Variants in LRBA observed in about 807,000 individuals in gnomAD.
LRBA encodes the protein LPS responsive beige-like anchor protein.
Under a neutral mutation model 330.0 loss-of-function variants are expected in LRBA, and 176 were observed. The ratio of observed to expected loss-of-function variants is 0.53; its 90% CI spans 0.47 to 0.60. The LOEUF (loss-of-function observed/expected upper bound fraction) is 0.60, where lower values mean the gene tolerates loss of function less well. Ranked by LOEUF, LRBA falls within the 20% of genes least tolerant of loss-of-function variation. The pLI, the probability that LRBA is intolerant of heterozygous loss-of-function variation, is 0.00. For synonymous variants in LRBA, 1,230 were observed against 1,193.0 expected, an observed-to-expected ratio of 1.03 and a Z score of -0.64; for missense variants, 3,259 against 3,444.8, an observed-to-expected ratio of 0.95 and a Z score of 1.35.
rs1242909871 is a variant in LRBA, at chr4:150,264,842, A to AAAAC, written c.*876_*879dup. 3 of 152,666 alleles carry AAAAC rather than the reference A, an allele frequency of 2.0e-5. No individual in the cohort carries two copies. Among genetic ancestry groups the AAAAC allele is most frequent in the African/African-American group, 4.8e-5 (2 of 41,466 alleles). The allele number at this position is 152,666 out of a possible 1,614,324, so 9.5% of individuals were successfully genotyped here. A position where few individuals can be genotyped will look rare whatever the true frequency, so the allele number is the denominator to read the frequency against. On this transcript the variant is annotated 3_prime_UTR_variant, in exon 57 of 57. Coordinates refer to ENST00000651943, the MANE Select transcript of LRBA (RefSeq NM_001364905.1). Reference sequence around the variant, plus strand: ...AGATGATAGTTTAATAACAAATAGTAAAACAGGTGTTGCTGAATACAGCAC... The same window carrying AAAAC: ...AGATGATAGTTTAATAACAAATAGTAAAACAAACAGGTGTTGCTGAATACAGCAC...
Position 150,906,322 on chromosome 4 carries a change from A to C in LRBA, c.1577T>G (p.Leu526Trp). ...QEQMLACKGF[L>W]VIGYSLEKSS... ...CTTTTCAAGGCTATATCCTATTACCAAGAAGCCCTTACAGGCAAGCATCTG... is the reference window on the plus strand; with the variant it reads ...CTTTTCAAGGCTATATCCTATTACCCAGAAGCCCTTACAGGCAAGCATCTG... Residue 526 changes from leucine (L) to tryptophan (W), a missense_variant, in exon 12 of 57, where the codon TTG becomes TGG. By Grantham distance (61) the Leu-to-Trp change is moderately conservative. Transcript: ENST00000651943. 6.2e-7 allele frequency: 1 copy of C among 1,606,698 alleles called. No homozygotes were observed.
At chr4:150,376,474 C>A (rs78075117) in intron 47 of LRBA, among the ~76,000 whole-genome samples, 5,467 of 152,176 alleles carry the variant, frequency 0.036, 195 homozygotes, top group African/African-American at 0.079. Flanking sequence ...CAAGTATATA[C>A]CCTTCACTCA....
intron 23 of LRBA, 135 bp downstream of exon 23, chr4:150,851,750 T>C: frequency 1.1e-6 from 1 of 882,866 alleles, no homozygotes; most frequent in East Asian, 2.8e-5. Context: ...AAATACAATC[T>C]TCACATTCAT....
chr4:150,623,860 G>A (rs1776561052), intron 37 of LRBA, among the ~76,000 whole-genome samples: 3 of 151,624 alleles, frequency 2.0e-5, no homozygotes, highest in African/African-American at 7.3e-5. Context: ...TTTATTTTAT[G>A]TTATTATTAT....
At chr4:150,804,008 C>T (rs1742172851) in intron 33 of LRBA, among the ~76,000 whole-genome samples, 1 of 152,052 alleles carries the variant, frequency 6.6e-6, no homozygotes, top group Non-Finnish European at 1.5e-5. Flanking sequence ...TTAATACATA[C>T]ATCTTACTCA....
intron 40 of LRBA, among the ~76,000 whole-genome samples, chr4:150,541,188 T>G (rs1169915329): frequency 6.6e-6 from 1 of 151,924 alleles, no homozygotes; most frequent in Non-Finnish European, 1.5e-5. Flanking sequence ...CGTATTATGT[T>G]TAAGTTCCAG....
intron 47 of LRBA, among the ~76,000 whole-genome samples, chr4:150,352,974 A>G (rs2151824536): frequency 6.6e-6 from 1 of 152,254 alleles, no homozygotes; most frequent in South Asian, 2.1e-4. Context: ...CTAGCTCATC[A>G]CTCATTTAAA....
rs190845873 is a variant in LRBA at position 150,839,959 on chromosome 4, T to C, written c.4569+4141A>G. Among the ~76,000 whole-genome samples the C allele has an allele frequency of 4.3e-3, 649 of 152,312 alleles. 4 individuals are homozygous for C. Among genetic ancestry groups the C allele is most frequent in the African/African-American group, 0.015 (628 of 41,568 alleles). On this transcript the variant is annotated intron_variant, in intron 28 of 56. Transcript: ENST00000651943. ...TAGACACCTTCATCAATTTCTTAGCTAGCTCTTCTGCACCTATTGCTTCAC... is the reference window on the plus strand; with the variant it reads ...TAGACACCTTCATCAATTTCTTAGCCAGCTCTTCTGCACCTATTGCTTCAC...
At chr4:150,638,610 C>G (rs1382562022) in intron 37 of LRBA, among the ~76,000 whole-genome samples, 2 of 151,476 alleles carry the variant, frequency 1.3e-5, no homozygotes, top group Non-Finnish European at 2.9e-5. Context: ...AAATGCTCAT[C>G]ATCACTGGCC....
At chr4:150,443,847 T>TA (rs376721928) in intron 44 of LRBA, among the ~76,000 whole-genome samples, 549 of 53,600 alleles carry the variant, frequency 0.01, 8 homozygotes, top group African/African-American at 0.023. Flanking sequence ...AAAGTATAAT[T>TA]AAAAAAATAT....
chr4:150,862,301 T>G (rs2126962683), intron 22 of LRBA, among the ~76,000 whole-genome samples: 1 of 152,236 alleles, frequency 6.6e-6, no homozygotes, highest in South Asian at 2.1e-4. Context: ...AATGATAGAC[T>G]GGATTAAGAA....
At chr4:150,510,915 G>T (rs932800080) in intron 40 of LRBA, among the ~76,000 whole-genome samples, 1 of 151,964 alleles carries the variant, frequency 6.6e-6, no homozygotes, top group Admixed American at 6.6e-5. Flanking sequence ...GAGTGCAGTG[G>T]CGTGATCTTG....
intron 40 of LRBA, among the ~76,000 whole-genome samples, chr4:150,573,899 G>A (rs1478211939): frequency 6.6e-6 from 1 of 152,028 alleles, no homozygotes; most frequent in African/African-American, 2.4e-5. Flanking sequence ...GTAGGAACTT[G>A]GTAATATCAT....
At chr4:150,671,029 TGTGTGTGTGTGTGAGA>T (rs1385000272) in intron 37 of LRBA, among the ~76,000 whole-genome samples, 7 of 147,554 alleles carry the variant, frequency 4.7e-5, no homozygotes, top group African/African-American at 7.7e-5. Flanking sequence ...TGTGTGTGTG[TGTGTGTGTGTGTGAGA>T]GAGAGAGAGA....
chr4:150,775,897 G>A (rs1737259545), intron 34 of LRBA, among the ~76,000 whole-genome samples: 1 of 149,190 alleles, frequency 6.7e-6, no homozygotes, highest in African/African-American at 2.5e-5. Flanking sequence ...AGAGAAGAAG[G>A]AGCAGAGAAG....
intron 4 of LRBA, among the ~76,000 whole-genome samples, chr4:150,924,045 A>T (rs1205961379): frequency 6.6e-6 from 1 of 152,234 alleles, no homozygotes; most frequent in Admixed American, 6.5e-5. Context: ...AACCAAAAAT[A>T]ACTCTGCAGT....
intron 2 of LRBA, among the ~76,000 whole-genome samples, chr4:150,935,178 GAAA>G (rs11294903): frequency 7.2e-5 from 10 of 138,690 alleles, no homozygotes; most frequent in South Asian, 2.3e-4. Flanking sequence ...TCCGTCTCAC[GAAA>G]AAAAAAAAAA....
chr4:150,641,549 GAATA>G (rs1372977381), intron 37 of LRBA, among the ~76,000 whole-genome samples: 2 of 152,036 alleles, frequency 1.3e-5, no homozygotes, highest in Non-Finnish European at 2.9e-5. Context: ...TAAAATAGGA[GAATA>G]AATTTGCAAA....
chr4:150,985,044 G>C (rs893823159), intron 2 of LRBA, among the ~76,000 whole-genome samples: 1 of 152,098 alleles, frequency 6.6e-6, no homozygotes, highest in African/African-American at 2.4e-5. Flanking sequence ...GATCACCTAA[G>C]GTAGGGAGTT....
Sources: allele counts gnomAD v4.1 joint callset (sites outside exome capture counted in the v4.1 genomes callset), GRCh38; gene constraint gnomAD v4.1.1; transcripts MANE v1.5; gene names NCBI Gene and HGNC (gene_info 2026-07-23, HGNC 2026-07-21).